Variants in RRAS observed in about 807,000 individuals in gnomAD.
The protein encoded by RRAS is ras-related protein R-Ras.
A neutral mutation model predicts 23.3 loss-of-function variants in RRAS; 18 were observed. The observed-to-expected ratio is 0.77, with a 90% CI of 0.53 to 1.15. The LOEUF (loss-of-function observed/expected upper bound fraction) is 1.15, where lower values mean the gene tolerates loss of function less well. RRAS is among the 50% of genes most tolerant of loss of function. RRAS has a pLI of 0.00. For synonymous variants in RRAS, 133 were observed against 138.3 expected (o/e 0.96, Z 0.27); for missense variants, 291 against 317.1 (o/e 0.92, Z 0.62).
At chr19:49,637,272 G>C (rs549560504) in intron 1 of RRAS, 142 bp from the exon 2 acceptor site, 1 of 643,968 alleles carries the variant, frequency 1.6e-6, no homozygotes, top group Non-Finnish European at 2.8e-6. Context: ...CCTTTTCTCT[G>C]GGTCTCTGTC....
In RRAS at chr19:49,635,551, G is replaced by T. The variant is rs1453780737; in HGVS notation, c.*25C>A. 1.5e-6 allele frequency: 2 copies of T among 1,378,928 alleles called. No homozygotes were observed. The highest frequency in any genetic ancestry group is 1.5e-5 in the African/African-American group (1 of 68,024). The allele number at this position is 1,378,928 out of a possible 1,614,324, so 85.4% of individuals were successfully genotyped here. ...AAGGCAGCTAGTCCCGAGAGCTTGT[G>T]GTGGTTGCTTCTCTCTTGCCTGGGC... On this transcript the variant is annotated 3_prime_UTR_variant, in exon 6 of 6. Transcript: ENST00000246792.
At position 49,639,098 on chromosome 19, in the gene RRAS, A is replaced by G. The variant is rs1478164328; in HGVS notation, c.153+848T>C. On this transcript the variant is annotated intron_variant, in intron 1 of 5. Transcript: ENST00000246792. ...GTCTCAGGGCCAGGGTCTGGGTAGAATTTCTAGATTCTGGGGGCAGTCATG... is the reference window on the plus strand; with the variant it reads ...GTCTCAGGGCCAGGGTCTGGGTAGAGTTTCTAGATTCTGGGGGCAGTCATG... Among the ~76,000 whole-genome samples the G allele has an allele frequency of 2.0e-5, 3 of 152,040 alleles. No individual in the cohort carries two copies. The East Asian group carries it at 5.8e-4, about 29-fold the overall frequency.
Position 49,635,860 on chromosome 19 carries a change from TA to T in RRAS, c.454-9del. ...GGCTTCTGATCGGGGGACCTGGGGG[TA>T]GGGGGGACACGGGGGAGTCAGGTCC... On this transcript the variant is annotated splice_polypyrimidine_tract_variant and intron_variant, in intron 4 of 5. Coordinates refer to ENST00000246792, the MANE Select transcript of RRAS (RefSeq NM_006270.5). The T allele has an allele frequency of 3.3e-6, 4 of 1,209,500 alleles. No homozygotes were observed. The highest frequency in any genetic ancestry group is 2.7e-5 in the East Asian group (1 of 37,114). The allele number at this position is 1,209,500 out of a possible 1,614,324, so 74.9% of individuals were successfully genotyped here. A position where few individuals can be genotyped will look rare whatever the true frequency, so the allele number is the denominator to read the frequency against.
At chr19:49,638,284 G>A (rs954274050) in intron 1 of RRAS, among the ~76,000 whole-genome samples, 13 of 152,106 alleles carry the variant, frequency 8.5e-5, no homozygotes, top group African/African-American at 2.9e-4. Flanking sequence ...GGGTGCAAGG[G>A]GCCCAGGGCT....
rs574555791 is a variant in RRAS, at chr19:49,635,466, G to A, written c.*110C>T. 9.4e-6 allele frequency: 6 copies of A among 635,098 alleles called. No homozygotes were observed. Among genetic ancestry groups the A allele is most frequent in the South Asian group, 7.3e-5 (2 of 27,408 alleles). 39.3% of individuals were successfully genotyped at this position (635,098 alleles called of 1,614,324 possible). A position where few individuals can be genotyped will look rare whatever the true frequency, so the allele number is the denominator to read the frequency against. ...AAGGGTGGGTATGTGATGTGTCCTG[G>A]GAGACCCAGATGAGGAAATTGAGGC... On this transcript the variant is annotated 3_prime_UTR_variant, in exon 6 of 6. Transcript: ENST00000246792.
rs549781507 is a variant in RRAS, at chr19:49,636,444, C to G, written c.453+175G>C. On this transcript the variant is annotated intron_variant, in intron 4 of 5. Coordinates refer to ENST00000246792, the MANE Select transcript of RRAS (RefSeq NM_006270.5). The surrounding 1 kb of genome is among the most constrained non-coding windows in gnomAD (Gnocchi z 4.5). ...ACACTTGCATGCTAGGCCCTCTGCT[C>G]GGTGATGCCGGGGACCCTGAAGGTC... Among the ~76,000 whole-genome samples the G allele has an allele frequency of 1.3e-5, 2 of 152,198 alleles. No homozygotes were observed. The highest frequency in any genetic ancestry group is 1.3e-4 in the Admixed American group (2 of 15,282).
intron 2 of RRAS, 30 bp downstream of exon 2, chr19:49,637,013 C>T: frequency 1.2e-6 from 2 of 1,610,350 alleles, no homozygotes; most frequent in Non-Finnish European, 1.7e-6. Flanking sequence ...GACACCACCC[C>T]CATCCATCAT....
Position 49,639,928 on chromosome 19 carries a change from C to A in RRAS, c.153+18G>T. On this transcript the variant is annotated intron_variant, in intron 1 of 5. Coordinates refer to ENST00000246792, the MANE Select transcript of RRAS (RefSeq NM_006270.5). ...TTCTGGGTCCCGGGGGACACCCTCC[C>A]GGGTGAGGGCCCACTACCTGGATGA... 1 of 1,572,886 alleles carries A rather than the reference C, an allele frequency of 6.4e-7. No homozygotes were observed. Among genetic ancestry groups the A allele is most frequent in the Non-Finnish European group, 8.6e-7 (1 of 1,166,058 alleles).
At chr19:49,638,579 G>C (rs2122424900) in intron 1 of RRAS, among the ~76,000 whole-genome samples, 1 of 152,204 alleles carries the variant, frequency 6.6e-6, no homozygotes, top group Admixed American at 6.5e-5. Context: ...GTCCTGGAGG[G>C]AGGCTGTAAG....
intron 4 of RRAS, 37 bp from the exon 5 acceptor site, chr19:49,635,889 G>T: frequency 8.9e-7 from 1 of 1,126,758 alleles, no homozygotes. Flanking sequence ...TCAGGTCCCT[G>T]CACTCAGGGT....
rs116683551 is a variant in RRAS at position 49,636,925 on chromosome 19, G to A, written c.243C>T (p.Ile81=). Residue 81 remains isoleucine, a splice_region_variant and synonymous_variant, in exon 3 of 6, where the codon ATC becomes ATT. Transcript: ENST00000246792. This position sits in a 1 kb window ranked among gnomAD's most constrained non-coding sequence, Gnocchi z 4.5. ...ACTCTTCCTGGCCCGCGGTGTCCAGGACTGCAGAGACAGGGAGAGGGGCCA... is the reference window on the plus strand; with the variant it reads ...ACTCTTCCTGGCCCGCGGTGTCCAGAACTGCAGAGACAGGGAGAGGGGCCA... ...SVDGIPARLD[I]LDTAGQEEFG... is the part of the protein sequence containing the mutation. The A allele has an allele frequency of 1.3e-4, 208 of 1,613,198 alleles. No homozygotes were observed. In the African/African-American group the frequency reaches 2.4e-3, roughly 19 times the overall value.
intron 1 of RRAS, 130 bp from the exon 2 acceptor site, chr19:49,637,260 C>T: frequency 1.5e-6 from 1 of 674,156 alleles, no homozygotes. Context: ...GGGTCTCTGC[C>T]CCCTTTTCTC....
intron 1 of RRAS, among the ~76,000 whole-genome samples, chr19:49,638,178 G>A (rs1480221234): frequency 1.3e-5 from 2 of 152,168 alleles, no homozygotes; most frequent in African/African-American, 4.8e-5. Flanking sequence ...TCCGGCTGCG[G>A]AGAGGCTGCC....
intron 1 of RRAS, among the ~76,000 whole-genome samples, chr19:49,639,451 AAAG>A (rs2081012114): frequency 2.0e-5 from 3 of 151,052 alleles, no homozygotes; most frequent in South Asian, 2.1e-4. Flanking sequence ...AAAAAAAAAA[AAAG>A]AAAAAAAAGA....
chr19:49,636,541 A>C lies in RRAS; in HGVS notation c.453+78T>G. On this transcript the variant is annotated intron_variant, in intron 4 of 5. Coordinates refer to ENST00000246792, the MANE Select transcript of RRAS (RefSeq NM_006270.5). This position sits in a 1 kb window ranked among gnomAD's most constrained non-coding sequence, Gnocchi z 4.5. Reference sequence around the variant, plus strand: ...CGCAGCACTGCAGGAACAGAGGAGGATGCTGATGGGGGACAGGTGTGCTGG... The same window carrying C: ...CGCAGCACTGCAGGAACAGAGGAGGCTGCTGATGGGGGACAGGTGTGCTGG... 9.9e-7 allele frequency: 1 copy of C among 1,009,300 alleles called. No individual in the cohort carries two copies. Among genetic ancestry groups the C allele is most frequent in the Non-Finnish European group, 1.6e-6 (1 of 631,498 alleles). 62.5% of individuals were successfully genotyped at this position (1,009,300 alleles called of 1,614,324 possible). A position where few individuals can be genotyped will look rare whatever the true frequency, so the allele number is the denominator to read the frequency against.
intron 4 of RRAS, 114 bp from the exon 5 acceptor site, chr19:49,635,966 C>CA (rs1048831561): frequency 1.8e-6 from 1 of 547,718 alleles, no homozygotes; most frequent in Non-Finnish European, 3.2e-6. Context: ...TGTGAGAACT[C>CA]AAAGAGGAAG....
At chr19:49,639,912 C>G in intron 1 of RRAS, 34 bp downstream of exon 1, 6 of 1,550,094 alleles carry the variant, frequency 3.9e-6, no homozygotes, top group Non-Finnish European at 5.2e-6. Context: ...GTTCTGGGTC[C>G]CGGGGGACAC....
At chr19:49,638,484 T>TG (rs1287245875) in intron 1 of RRAS, among the ~76,000 whole-genome samples, 2 of 149,972 alleles carry the variant, frequency 1.3e-5, no homozygotes, top group Non-Finnish European at 1.5e-5. Flanking sequence ...TGGGCTGGGG[T>TG]GGAATTTCAG....
intron 1 of RRAS, 32 bp downstream of exon 1, chr19:49,639,913 CG>C: frequency 2.6e-6 from 4 of 1,551,022 alleles, no homozygotes; most frequent in East Asian, 2.5e-5. Context: ...TTCTGGGTCC[CG>C]GGGGACACCC....
Sources: allele counts gnomAD v4.1 joint callset (sites outside exome capture counted in the v4.1 genomes callset), GRCh38; gene constraint gnomAD v4.1.1; non-coding constraint Gnocchi (gnomAD v3.1); transcripts MANE v1.5; gene names NCBI Gene and HGNC (gene_info 2026-07-23, HGNC 2026-07-21).